PTPN2: variants seen among roughly 807,000 people sequenced by gnomAD.
PTPN2 encodes the protein tyrosine-protein phosphatase non-receptor type 2.
PTPN2 carries 19 observed loss-of-function variants against 57.3 expected under a neutral mutation model. The ratio of observed to expected loss-of-function variants is 0.33; its 90% CI spans 0.23 to 0.49. The LOEUF (loss-of-function observed/expected upper bound fraction) is 0.49. Among genes scored for constraint, PTPN2 ranks in the 20% least tolerant of loss-of-function variants. The pLI, the probability that PTPN2 is intolerant of heterozygous loss-of-function variation, is 0.99. For missense variants in PTPN2, 358 were observed against 501.1 expected (o/e 0.71, Z 2.73); for synonymous variants, 153 against 164.9 (o/e 0.93, Z 0.55).
chr18:12,857,129 G>A (rs755300383), intron 2 of PTPN2, among the ~76,000 whole-genome samples: 2 of 151,104 alleles, frequency 1.3e-5, no homozygotes, highest in Non-Finnish European at 2.9e-5. Context: ...CAAATGTAGT[G>A]TAGTGCATCC....
intron 4 of PTPN2, among the ~76,000 whole-genome samples, chr18:12,828,672 G>C (rs552024110): frequency 6.6e-6 from 1 of 152,256 alleles, no homozygotes; most frequent in South Asian, 2.1e-4. Context: ...ATGAACTCTT[G>C]AAGTATGTTA....
At chr18:12,860,799 T>TA (rs11376832) in intron 1 of PTPN2, among the ~76,000 whole-genome samples, 111,646 of 151,880 alleles carry the variant, frequency 0.74, 43,089 homozygotes, top group Middle Eastern at 0.86. Flanking sequence ...AGACATTCTG[T>TA]AAGGCTATGT....
chr18:12,814,770 T>C (rs1349284701), intron 6 of PTPN2, among the ~76,000 whole-genome samples: 2 of 152,020 alleles, frequency 1.3e-5, no homozygotes, highest in Non-Finnish European at 2.9e-5. Flanking sequence ...ACAGACACGA[T>C]GTCTGGATAT....
intron 1 of PTPN2, 74 bp downstream of exon 1, chr18:12,883,998 GA>G: frequency 7.5e-7 from 1 of 1,332,628 alleles, no homozygotes. Context: ...GGGGAGGCGG[GA>G]GGGACCCTGC....
chr18:12,875,408 T>G (rs1487672462), intron 1 of PTPN2, among the ~76,000 whole-genome samples: 1 of 152,156 alleles, frequency 6.6e-6, no homozygotes, highest in East Asian at 1.9e-4. Context: ...CCTGTGGAAA[T>G]GTATCTCTTC....
chr18:12,851,075 T>C (rs1347932388), intron 2 of PTPN2, among the ~76,000 whole-genome samples: 1 of 152,158 alleles, frequency 6.6e-6, no homozygotes, highest in Non-Finnish European at 1.5e-5. Flanking sequence ...CTTGACAGCC[T>C]AGTCAATGGT....
rs1370927472 is a variant in PTPN2, at chr18:12,870,454, TATATATATAGAG to T, written c.70-11212_70-11201del. Among the ~76,000 whole-genome samples, 51 of 44,324 alleles carry T rather than the reference TATATATATAGAG, an allele frequency of 1.2e-3. 3 individuals carry two copies. Among genetic ancestry groups the T allele is most frequent in the African/African-American group, 6.4e-3 (45 of 7,028 alleles). The allele number at this position is 44,324 out of a possible 152,430, so 29.1% of individuals were successfully genotyped here. ...ATATATATATGTGTATATATATATA[TATATATATAGAG>T]AGAGAGAGAGAGAGAGAGAGAGAGA... is the stretch of plus-strand genomic sequence containing the variant. On this transcript the variant is annotated intron_variant, in intron 1 of 8. Transcript: ENST00000309660.
At chr18:12,836,032 T>G (rs2042853012) in intron 3 of PTPN2, among the ~76,000 whole-genome samples, 1 of 152,206 alleles carries the variant, frequency 6.6e-6, no homozygotes, top group African/African-American at 2.4e-5. Flanking sequence ...TATCAAATAT[T>G]TTTCTCTTTC....
chr18:12,801,340 C>A (rs1174081737), intron 8 of PTPN2, among the ~76,000 whole-genome samples: 1 of 151,930 alleles, frequency 6.6e-6, no homozygotes, highest in Non-Finnish European at 1.5e-5. Context: ...TGGTGAAACC[C>A]TCTCTCTACT....
At chr18:12,801,849 G>A (rs781158392) in intron 8 of PTPN2, 121 bp downstream of exon 8, 33 of 984,848 alleles carry the variant, frequency 3.4e-5, no homozygotes, top group African/African-American at 5.0e-5. Context: ...GATTACAGGC[G>A]TGATTGTATT....
chr18:12,810,387 C>A (rs1247326555), intron 7 of PTPN2, among the ~76,000 whole-genome samples: 1 of 152,136 alleles, frequency 6.6e-6, no homozygotes, highest in Non-Finnish European at 1.5e-5. Flanking sequence ...ATTTTCCACA[C>A]TTCACCGTTC....
At chr18:12,819,324 T>G in intron 5 of PTPN2, 1 of 939,424 alleles carries the variant, frequency 1.1e-6, no homozygotes, top group Non-Finnish European at 1.5e-6. Flanking sequence ...ATTAAAATGA[T>G]CATGGTTTCT....
intron 2 of PTPN2, among the ~76,000 whole-genome samples, chr18:12,839,298 T>C (rs533782199): frequency 6.6e-6 from 1 of 152,298 alleles, no homozygotes; most frequent in African/African-American, 2.4e-5. Flanking sequence ...ACAGGTCTCT[T>C]TTCCCTGCCC....
At chr18:12,820,725 A>G (rs1175264153) in intron 5 of PTPN2, among the ~76,000 whole-genome samples, 1 of 152,144 alleles carries the variant, frequency 6.6e-6, no homozygotes, top group Non-Finnish European at 1.5e-5. Flanking sequence ...GGTTGCACCC[A>G]CAATTATAGG....
chr18:12,798,704 T>C (rs1208153103), intron 8 of PTPN2, among the ~76,000 whole-genome samples: 1 of 152,254 alleles, frequency 6.6e-6, no homozygotes, highest in Non-Finnish European at 1.5e-5. Context: ...TGAATAGTGC[T>C]GCAATCAACA....
chr18:12,823,485 C>T (rs974729407), intron 5 of PTPN2, among the ~76,000 whole-genome samples: 2 of 151,924 alleles, frequency 1.3e-5, no homozygotes, highest in African/African-American at 4.8e-5. Flanking sequence ...ATCAGTCTGG[C>T]CAACACAGCG....
At chr18:12,865,340 T>A (rs2145493315) in intron 1 of PTPN2, among the ~76,000 whole-genome samples, 1 of 149,602 alleles carries the variant, frequency 6.7e-6, no homozygotes, top group Middle Eastern at 3.5e-3. Context: ...GAGGCAGAAG[T>A]GGGAGGATCA....
intron 1 of PTPN2, chr18:12,880,574 G>C (rs768018725): frequency 1.3e-5 from 2 of 152,348 alleles, no homozygotes; most frequent in Non-Finnish European, 2.9e-5. Context: ...TAATCTAGCT[G>C]CTCAATGTCA....
intron 1 of PTPN2, among the ~76,000 whole-genome samples, chr18:12,881,585 T>C (rs955301122): frequency 6.6e-6 from 1 of 152,212 alleles, no homozygotes; most frequent in Non-Finnish European, 1.5e-5. Context: ...GGCTAAACTG[T>C]GGGTGGTTCT....
Sources: gnomAD v4.1 joint callset for allele counts (sites outside exome capture counted in the v4.1 genomes callset) on GRCh38, gnomAD v4.1.1 for gene constraint, MANE v1.5 for transcripts, NCBI Gene and HGNC (gene_info 2026-07-23, HGNC 2026-07-21) for gene names.